ZNRF3: variants seen among roughly 807,000 people sequenced by gnomAD.
ZNRF3 encodes the protein E3 ubiquitin-protein ligase ZNRF3.
ZNRF3 carries 23 observed loss-of-function variants against 72.5 expected under a neutral mutation model. The ratio of observed to expected loss-of-function variants is 0.32; its 90% CI spans 0.23 to 0.45. The LOEUF is 0.45. Among genes scored for constraint, ZNRF3 ranks in the 20% least tolerant of loss-of-function variants. The pLI, the probability that ZNRF3 is intolerant of heterozygous loss-of-function variation, is 1.00. For synonymous variants in ZNRF3, 610 were observed against 545.3 expected, an observed-to-expected ratio of 1.12 and a Z score of -1.65; for missense variants, 1,169 against 1,272.1, an observed-to-expected ratio of 0.92 and a Z score of 1.23.
chr22:28,923,081 A>T (rs959763572), intron 1 of ZNRF3, among the ~76,000 whole-genome samples: 1 of 152,182 alleles, frequency 6.6e-6, no homozygotes, highest in African/African-American at 2.4e-5. Flanking sequence ...TCAGTGGCTC[A>T]TCAAGTGCCT....
At chr22:28,902,889 G>A (rs1245966854) in intron 1 of ZNRF3, among the ~76,000 whole-genome samples, 1 of 152,186 alleles carries the variant, frequency 6.6e-6, no homozygotes, top group African/African-American at 2.4e-5. Flanking sequence ...TTCCCAAGTG[G>A]TTGCAAATTC....
At chr22:29,039,394 T>G (rs571479906) in intron 2 of ZNRF3, among the ~76,000 whole-genome samples, 8 of 152,286 alleles carry the variant, frequency 5.3e-5, no homozygotes, top group Non-Finnish European at 4.4e-5. Flanking sequence ...TGATCTGGAC[T>G]TATCTGAATT....
At chr22:28,891,742 C>T (rs2064261) in intron 1 of ZNRF3, among the ~76,000 whole-genome samples, 59,855 of 152,128 alleles carry the variant, frequency 0.39, 12,985 homozygotes, top group East Asian at 0.61. Flanking sequence ...AAACCCAAAA[C>T]GATTGACCAA....
At chr22:28,891,668 GCTTCA>G (rs1314812754) in intron 1 of ZNRF3, among the ~76,000 whole-genome samples, 1 of 152,162 alleles carries the variant, frequency 6.6e-6, no homozygotes, top group Admixed American at 6.5e-5. Flanking sequence ...TCACAAGCCC[GCTTCA>G]CTTCACACTT....
At chr22:29,003,353 T>TA in intron 2 of ZNRF3, among the ~76,000 whole-genome samples, 1 of 151,576 alleles carries the variant, frequency 6.6e-6, no homozygotes, top group African/African-American at 2.4e-5. Context: ...CATCTCTACT[T>TA]AAAAAAATAC....
chr22:28,978,784 C>G (rs1239485958), intron 1 of ZNRF3, among the ~76,000 whole-genome samples: 1 of 152,114 alleles, frequency 6.6e-6, no homozygotes, highest in Non-Finnish European at 1.5e-5. Flanking sequence ...CTCTGTGATT[C>G]TTTCTAAATT....
rs1161861168 is a variant in ZNRF3 at position 28,884,063 on chromosome 22, G to A, written c.297G>A (p.Val99=). Residue 99 remains valine, a synonymous_variant, in exon 1 of 9, where the codon GTG becomes GTA. Transcript: ENST00000544604. ...GATLSAEGEI[V]QMHPLGLCNN... ...CGCTCAGCGCCGAGGGCGAGATCGT[G>A]CAGGTAGCTGCCCGCCGCCCGGGCC... 21 of 1,254,076 alleles carry A rather than the reference G, an allele frequency of 1.7e-5. No individual in the cohort carries two copies. Among genetic ancestry groups the A allele is most frequent in the Admixed American group, 1.2e-4 (4 of 32,968 alleles). 77.7% of individuals were successfully genotyped at this position (1,254,076 alleles called of 1,614,324 possible).
intron 1 of ZNRF3, among the ~76,000 whole-genome samples, chr22:28,890,572 G>A (rs2033866499): frequency 6.6e-6 from 1 of 152,212 alleles, no homozygotes; most frequent in Admixed American, 6.5e-5. Context: ...CATAAGAAAA[G>A]TCTGAAGGTG....
chr22:28,905,647 G>A (rs1053361954), intron 1 of ZNRF3, among the ~76,000 whole-genome samples: 2 of 152,144 alleles, frequency 1.3e-5, no homozygotes, highest in African/African-American at 2.4e-5. Flanking sequence ...ATTCTCAGCT[G>A]CTGTTACTTA....
intron 1 of ZNRF3, among the ~76,000 whole-genome samples, chr22:28,926,623 T>G (rs1341909994): frequency 6.7e-6 from 1 of 149,798 alleles, no homozygotes; most frequent in Non-Finnish European, 1.5e-5. Flanking sequence ...GCCTGGCCAG[T>G]GAAACCCCAT....
rs142096624 is a variant in ZNRF3 at position 28,988,632 on chromosome 22, G to T, written c.426+1431G>T. 1.1e-4 allele frequency among the ~76,000 whole-genome samples: 16 copies of T among 152,302 alleles called. No homozygotes were observed. The East Asian group carries it at 1.9e-3, about 18-fold the overall frequency. On this transcript the variant is annotated intron_variant, in intron 2 of 8. Coordinates refer to ENST00000544604, the MANE Select transcript of ZNRF3 (RefSeq NM_001206998.2). ...ACTTCATCATTTAAATAATTGGCCA[G>T]AGCTGCTTAGTGGTGGTAGGAGAGC...
At chr22:29,034,234 T>G (rs1294302712) in intron 2 of ZNRF3, among the ~76,000 whole-genome samples, 1 of 152,224 alleles carries the variant, frequency 6.6e-6, no homozygotes, top group African/African-American at 2.4e-5. Context: ...TTGGGATGCC[T>G]GGCACCCAGT....
At position 29,030,009 on chromosome 22, in the gene ZNRF3, A is replaced by G. The variant is rs1330554901; in HGVS notation, c.427-12486A>G. Among the ~76,000 whole-genome samples the G allele has an allele frequency of 6.6e-6, 1 of 152,212 alleles. No homozygotes were observed. The highest frequency in any genetic ancestry group is 2.4e-5 in the African/African-American group (1 of 41,444). On this transcript the variant is annotated intron_variant, in intron 2 of 8. Transcript: ENST00000544604. This position sits in a 1 kb window ranked among gnomAD's most constrained non-coding sequence, Gnocchi z 4.2. The stretch of plus-strand genomic sequence containing the variant: ...CTGAAGTGGGACTTCTGGAAACTCA[A>G]CCAAGATAACGACTTCCAGGTTCTT...
chr22:28,991,294 A>G (rs1321403451), intron 2 of ZNRF3, among the ~76,000 whole-genome samples: 1 of 143,548 alleles, frequency 7.0e-6, no homozygotes, highest in Admixed American at 6.8e-5. Flanking sequence ...AAAAAAAAAA[A>G]AAAAAAAAAA....
At chr22:28,929,431 C>G (rs921591218) in intron 1 of ZNRF3, among the ~76,000 whole-genome samples, 3 of 152,196 alleles carry the variant, frequency 2.0e-5, no homozygotes, top group African/African-American at 7.2e-5. Flanking sequence ...GTAGCAAAAC[C>G]TCCTTCCCAG....
chr22:28,890,396 A>T (rs1025415827), intron 1 of ZNRF3, among the ~76,000 whole-genome samples: 1 of 152,158 alleles, frequency 6.6e-6, no homozygotes, highest in Non-Finnish European at 1.5e-5. Context: ...GCTACTGGGG[A>T]GACTGAGGCA....
rs980061799 is a variant in ZNRF3, at chr22:29,046,746, C to T, written c.775C>T (p.Leu259=). Residue 259 remains leucine (L), a synonymous_variant, in exon 6 of 9, where the codon CTA becomes TTA. Transcript: ENST00000544604. ...NSMNRLAVQA[L]EKMETRKFNS... ...CATGAACAGGCTGGCTGTGCAGGCT[C>T]TAGAGAAGATGGAAACCAGAAAGTT... 5 of 1,610,834 alleles carry T rather than the reference C, an allele frequency of 3.1e-6. No homozygotes were observed. Among genetic ancestry groups the T allele is most frequent in the Non-Finnish European group, 4.2e-6 (5 of 1,178,500 alleles).
chr22:29,035,372 T>C (rs1468361514), intron 2 of ZNRF3, among the ~76,000 whole-genome samples: 2 of 152,184 alleles, frequency 1.3e-5, no homozygotes, highest in Admixed American at 6.5e-5. Context: ...AGAGAAAATA[T>C]AGAAATCTGC....
chr22:28,898,029 G>A (rs368240571), intron 1 of ZNRF3, among the ~76,000 whole-genome samples: 11 of 152,056 alleles, frequency 7.2e-5, no homozygotes, highest in Middle Eastern at 3.4e-3. Flanking sequence ...TGCAACCTCC[G>A]CCTCCTAGTC....
Sources: allele counts gnomAD v4.1 joint callset (sites outside exome capture counted in the v4.1 genomes callset), GRCh38; gene constraint gnomAD v4.1.1; non-coding constraint Gnocchi (gnomAD v3.1); transcripts MANE v1.5; gene names NCBI Gene and HGNC (gene_info 2026-07-23, HGNC 2026-07-21).